The following PMP22 variants were observed in gnomAD, a reference collection of about 807,000 sequenced individuals.
The protein encoded by PMP22 is Charcot-Marie-Tooth neuropathy 1A (greatly reduced nerve conduction velocity, hereditary motor sensory neuropathy Ia).
Under a neutral mutation model 18.9 loss-of-function variants are expected in PMP22, and 2 were observed. That is an observed-to-expected ratio of 0.11 (90% CI 0.04 to 0.33). The LOEUF is 0.33. Ranked by LOEUF, PMP22 falls within the 10% of genes least tolerant of loss-of-function variation. The pLI is 1.00. For synonymous variants in PMP22, 95 were observed against 89.2 expected, an observed-to-expected ratio of 1.07 and a Z score of -0.37; for missense variants, 169 against 202.2, an observed-to-expected ratio of 0.84 and a Z score of 1.00.
At position 15,230,388 on chromosome 17, in the gene PMP22, C is replaced by A. The variant is rs1289526624; in HGVS notation, c.*529G>T. 6.2e-6 allele frequency: 1 copy of A among 160,724 alleles called. No individual in the cohort carries two copies. The allele number at this position is 160,724 out of a possible 1,614,324, so 10.0% of individuals were successfully genotyped here. A position where few individuals can be genotyped will look rare whatever the true frequency, so the allele number is the denominator to read the frequency against. On this transcript the variant is annotated 3_prime_UTR_variant, in exon 5 of 5. Transcript: ENST00000312280. Reference sequence around the variant, plus strand: ...GTCCGTGTGCGCGTAAAGCTTCACACAGAGGTTCGGGCAGCGGCTGTTTCT... The same window carrying A: ...GTCCGTGTGCGCGTAAAGCTTCACAAAGAGGTTCGGGCAGCGGCTGTTTCT...
At chr17:15,249,346 AG>A (rs1355261828) in intron 3 of PMP22, among the ~76,000 whole-genome samples, 8 of 152,180 alleles carry the variant, frequency 5.3e-5, no homozygotes, top group African/African-American at 1.7e-4. Context: ...TTAGGAAACC[AG>A]GGTACCTGCC....
At chr17:15,264,472 T>C (rs928753474) in intron 1 of PMP22, among the ~76,000 whole-genome samples, 2 of 152,224 alleles carry the variant, frequency 1.3e-5, no homozygotes, top group African/African-American at 4.8e-5. Context: ...GTAAGCACTT[T>C]AGAAATATGA....
chr17:15,240,152 G>C (rs1314320512), intron 3 of PMP22, among the ~76,000 whole-genome samples: 1 of 152,098 alleles, frequency 6.6e-6, no homozygotes, highest in African/African-American at 2.4e-5. Context: ...TGTTAAAGAG[G>C]GCCTGAGCCC....
Position 15,250,955 on chromosome 17 carries a change from A to T in PMP22, c.178+8139T>A, listed in dbSNP as rs115550823. On this transcript the variant is annotated intron_variant, in intron 3 of 4. Transcript: ENST00000312280. ...TCCCCAGAATTCATTCTCAACAGCC[A>T]GAATGAGCTTACAAAACATGAATCA... 4.7e-3 allele frequency among the ~76,000 whole-genome samples: 723 copies of T among 152,358 alleles called. 5 individuals are homozygous for T. Among genetic ancestry groups the T allele is most frequent in the African/African-American group, 0.017 (693 of 41,570 alleles).
chr17:15,237,402 G>A (rs77238356), intron 4 of PMP22, among the ~76,000 whole-genome samples: 2,412 of 152,298 alleles, frequency 0.016, 93 homozygotes, highest in East Asian at 0.14. Flanking sequence ...CTATCCCAAG[G>A]AGCCCATTCA....
intron 3 of PMP22, among the ~76,000 whole-genome samples, chr17:15,242,649 T>C (rs1053978317): frequency 1.3e-5 from 2 of 152,136 alleles, no homozygotes; most frequent in African/African-American, 4.8e-5. Context: ...TTCCTCAAAA[T>C]AGATGTCAGG....
intron 3 of PMP22, among the ~76,000 whole-genome samples, chr17:15,246,255 T>TA (rs968929215): frequency 6.6e-6 from 1 of 152,226 alleles, no homozygotes; most frequent in Non-Finnish European, 1.5e-5. Flanking sequence ...ACGGTCTTCT[T>TA]AACAACTACT....
At chr17:15,235,153 A>G (rs931404440) in intron 4 of PMP22, 7 of 715,270 alleles carry the variant, frequency 9.8e-6, no homozygotes, top group Non-Finnish European at 1.8e-5. Context: ...CTATAGCTAT[A>G]TTGATCTTTC....
At chr17:15,263,354 A>C (rs1325472549) in intron 1 of PMP22, among the ~76,000 whole-genome samples, 1 of 152,056 alleles carries the variant, frequency 6.6e-6, no homozygotes, top group Non-Finnish European at 1.5e-5. Context: ...CGAGGTGGCC[A>C]TTTGAGGTGG....
chr17:15,257,444 T>A lies in PMP22; in HGVS notation c.178+1650A>T, dbSNP rs1908936856. Among the ~76,000 whole-genome samples the A allele has an allele frequency of 2.0e-5, 3 of 152,222 alleles. No homozygotes were observed. The South Asian group carries it at 6.2e-4, about 32-fold the overall frequency. ...GTCCAGGATTCTGTGCCAAGCCGCG[T>A]GGCCAGATGCCACTTGGGGATGGCG... is the stretch of plus-strand genomic sequence containing the variant. On this transcript the variant is annotated intron_variant, in intron 3 of 4. Coordinates refer to ENST00000312280, the MANE Select transcript of PMP22 (RefSeq NM_000304.4).
chr17:15,236,441 C>T (rs1281475501), intron 4 of PMP22, among the ~76,000 whole-genome samples: 1 of 150,924 alleles, frequency 6.6e-6, no homozygotes, highest in African/African-American at 2.4e-5. Context: ...CCCTCACAGC[C>T]ACTTCCGGAG....
Position 15,234,812 on chromosome 17 carries a change from C to CT in PMP22, c.320-3733dup, listed in dbSNP as rs35826567. ...TTTATTAATCCCCCCCCACCAAATT[C>CT]TTTTTTTTTTTTTCCTAGAGAGGCA... is the stretch of plus-strand genomic sequence containing the variant. On this transcript the variant is annotated intron_variant, in intron 4 of 4. Transcript: ENST00000312280. Among the ~76,000 whole-genome samples the CT allele has an allele frequency of 1.6e-3, 232 of 144,960 alleles. 1 individual carries two copies. The highest frequency in any genetic ancestry group is 3.6e-3 in the Middle Eastern group (1 of 276).
At chr17:15,259,500 C>T (rs886482062) in intron 2 of PMP22, among the ~76,000 whole-genome samples, 11 of 152,116 alleles carry the variant, frequency 7.2e-5, no homozygotes, top group East Asian at 1.9e-4. Flanking sequence ...TCCCCAAGCC[C>T]GCCTCTCTCA....
intron 4 of PMP22, among the ~76,000 whole-genome samples, chr17:15,234,421 G>A (rs1906615960): frequency 6.6e-6 from 1 of 152,194 alleles, no homozygotes; most frequent in Non-Finnish European, 1.5e-5. Context: ...TGGCTGGAAA[G>A]GGATGTCAGT....
At chr17:15,248,777 A>T (rs1908064569) in intron 3 of PMP22, among the ~76,000 whole-genome samples, 2 of 152,230 alleles carry the variant, frequency 1.3e-5, no homozygotes, top group African/African-American at 4.8e-5. Flanking sequence ...ATGTACCATG[A>T]ATGATCAAAG....
intron 3 of PMP22, among the ~76,000 whole-genome samples, chr17:15,247,019 G>A (rs1348316946): frequency 1.5e-5 from 2 of 135,532 alleles, no homozygotes; most frequent in African/African-American, 2.8e-5. Context: ...GCAGTGAGCC[G>A]AGATCACACC....
intron 4 of PMP22, chr17:15,232,420 G>T (rs896722109): frequency 6.6e-6 from 1 of 152,206 alleles, no homozygotes; most frequent in Non-Finnish European, 1.5e-5. Flanking sequence ...AAATCATTGC[G>T]GGTTAATTGT....
chr17:15,255,833 C>T (rs779022943), intron 3 of PMP22, among the ~76,000 whole-genome samples: 1 of 152,180 alleles, frequency 6.6e-6, no homozygotes, highest in Non-Finnish European at 1.5e-5. Context: ...CCTCCCTGAA[C>T]TCAGACGCTG....
intron 4 of PMP22, among the ~76,000 whole-genome samples, chr17:15,239,159 TG>T (rs1299234325): frequency 6.6e-6 from 1 of 152,228 alleles, no homozygotes; most frequent in African/African-American, 2.4e-5. Flanking sequence ...CCTCTGATTA[TG>T]TGTCCAGATT....
Sources: allele counts gnomAD v4.1 joint callset (sites outside exome capture counted in the v4.1 genomes callset), GRCh38; gene constraint gnomAD v4.1.1; transcripts MANE v1.5; gene names NCBI Gene and HGNC (gene_info 2026-07-23, HGNC 2026-07-21).